UXS1: variants seen among roughly 807,000 people sequenced by gnomAD.
UXS1 encodes UDP-glucuronate decarboxylase 1, also known as UDP-glucuronic acid decarboxylase 1.
In UXS1, 33 loss-of-function variants were observed where a neutral mutation model predicts 62.6. The ratio of observed to expected loss-of-function variants is 0.53; its 90% confidence interval spans 0.40 to 0.70. The LOEUF (loss-of-function observed/expected upper bound fraction) is 0.70, where lower values mean the gene tolerates loss of function less well. Ranked by LOEUF, UXS1 falls within the 30% of genes least tolerant of loss-of-function variation. The pLI, the probability that UXS1 is intolerant of heterozygous loss-of-function variation, is 0.00. For synonymous variants in UXS1, 213 were observed against 206.8 expected (o/e 1.03, Z -0.26); for missense variants, 434 against 556.3 (o/e 0.78, Z 2.21).
intron 12 of UXS1, among the ~76,000 whole-genome samples, chr2:106,099,255 G>A (rs1677386617): frequency 6.6e-6 from 1 of 152,224 alleles, no homozygotes; most frequent in Non-Finnish European, 1.5e-5. Context: ...TCCCCGGCAA[G>A]CCAGAGGACA....
chr2:106,127,703 G>T (rs1312279122), intron 7 of UXS1, among the ~76,000 whole-genome samples: 1 of 152,212 alleles, frequency 6.6e-6, no homozygotes, highest in Non-Finnish European at 1.5e-5. Flanking sequence ...TCAAGTGCAA[G>T]ATGGCTAATG....
At position 106,192,685 on chromosome 2, in the gene UXS1, C is replaced by A. The variant is rs535329112; in HGVS notation, c.94+1463G>T. ...CTGTTCGAAGACCTGGGTTCTAGCT[C>A]CTGCTCCCAGGCCTTTCTGGGTTCA... On this transcript the variant is annotated intron_variant, in intron 1 of 14. Transcript: ENST00000283148. Among the ~76,000 whole-genome samples the A allele has an allele frequency of 3.3e-5, 5 of 152,292 alleles. No homozygotes were observed. In the South Asian group the frequency reaches 1.0e-3, roughly 32 times the overall value.
intron 1 of UXS1, among the ~76,000 whole-genome samples, chr2:106,169,779 G>A (rs564822336): frequency 7.2e-5 from 11 of 152,242 alleles, no homozygotes; most frequent in African/African-American, 2.6e-4. Flanking sequence ...ACCCATCCCA[G>A]ACACCTTCTG....
At chr2:106,191,414 A>G (rs1684928946) in intron 1 of UXS1, among the ~76,000 whole-genome samples, 1 of 152,254 alleles carries the variant, frequency 6.6e-6, no homozygotes, top group South Asian at 2.1e-4. Flanking sequence ...TTGAGGGACT[A>G]CATTTTCAGT....
At position 106,194,273 on chromosome 2, in the gene UXS1, C is replaced by T. The variant is rs771378958; in HGVS notation, c.-32G>A. On this transcript the variant is annotated 5_prime_UTR_variant, in exon 1 of 15. Coordinates refer to ENST00000283148, the MANE Select transcript of UXS1 (RefSeq NM_001253875.2). Reference sequence around the variant, plus strand: ...GAGCCGCGCGGGTCCAGGGCCCTACCGCGCGGGGGCCCGCCTGCTGCACAA... The same window carrying T: ...GAGCCGCGCGGGTCCAGGGCCCTACTGCGCGGGGGCCCGCCTGCTGCACAA... The T allele has an allele frequency of 2.4e-6, 3 of 1,234,236 alleles. No individual in the cohort carries two copies. The South Asian group carries it at 6.3e-5, about 26-fold the overall frequency. The allele number at this position is 1,234,236 out of a possible 1,614,324, so 76.5% of individuals were successfully genotyped here.
intron 11 of UXS1, 59 bp downstream of exon 11, chr2:106,104,735 T>A: frequency 1.2e-6 from 2 of 1,602,766 alleles, no homozygotes; most frequent in African/African-American, 2.7e-5. Flanking sequence ...GTCTGTCAAG[T>A]TGGCATGACC....
Position 106,094,064 on chromosome 2 carries a change from G to A in UXS1, c.1240C>T (p.Pro414Ser). ...ANNQYIPKPK[P>S]ARIKKGRTRH... ...GTCCGTCCTTTCTTTATTCTGGCAG[G>A]CTTTGGTTTGGGGATGTACTGATTA... Residue 414 changes from proline to serine, a missense_variant, in exon 15 of 15, where the codon CCT becomes TCT. By Grantham distance (74) the Pro-to-Ser change is moderately conservative. This residue lies in a region of UXS1 where 209 missense variants were observed against 233.3 expected (regional missense o/e 0.90). Coordinates refer to ENST00000283148, the MANE Select transcript of UXS1 (RefSeq NM_001253875.2). 6.2e-7 allele frequency: 1 copy of A among 1,613,156 alleles called. No homozygotes were observed. Among genetic ancestry groups the A allele is most frequent in the Non-Finnish European group, 8.5e-7 (1 of 1,179,718 alleles).
In UXS1 at chr2:106,093,977, C is replaced by G. The variant is rs767881403; in HGVS notation, c.*49G>C. 1 of 1,494,590 alleles carries G rather than the reference C, an allele frequency of 6.7e-7. No individual in the cohort carries two copies. Among genetic ancestry groups the G allele is most frequent in the Admixed American group, 2.6e-5 (1 of 37,744 alleles). The allele number at this position is 1,494,590 out of a possible 1,614,324, so 92.6% of individuals were successfully genotyped here. ...CGACAACAAAAAAAAGCCAAAAATA[C>G]ATCCCATCAAGTGTACAATGGTAGT... On this transcript the variant is annotated 3_prime_UTR_variant, in exon 15 of 15. Transcript: ENST00000283148.
intron 1 of UXS1, among the ~76,000 whole-genome samples, chr2:106,190,267 A>G (rs528015019): frequency 6.6e-6 from 1 of 152,316 alleles, no homozygotes; most frequent in South Asian, 2.1e-4. Flanking sequence ...ACACTGCATG[A>G]TGAGCTCCGT....
rs1247521995 is a variant in UXS1, at chr2:106,141,618, TG to T, written c.472+3571del. ...GACCACAGGTGCATGCCACCATGCC[TG>T]GGTAATTTTTGTAGAGACAGGGTTT... On this transcript the variant is annotated intron_variant, in intron 6 of 14. Coordinates refer to ENST00000283148, the MANE Select transcript of UXS1 (RefSeq NM_001253875.2). Among the ~76,000 whole-genome samples, 9 of 151,894 alleles carry T rather than the reference TG, an allele frequency of 5.9e-5. No individual in the cohort carries two copies. In the South Asian group the frequency reaches 1.0e-3, roughly 18 times the overall value.
intron 11 of UXS1, among the ~76,000 whole-genome samples, chr2:106,104,552 C>A (rs144912587): frequency 2.0e-5 from 3 of 152,130 alleles, no homozygotes; most frequent in Non-Finnish European, 2.9e-5. Context: ...ACCCACACAC[C>A]GCTAGGTGGC....
intron 5 of UXS1, among the ~76,000 whole-genome samples, chr2:106,148,995 A>C (rs1340280410): frequency 6.6e-6 from 1 of 152,256 alleles, no homozygotes; most frequent in East Asian, 1.9e-4. Flanking sequence ...CAAGGTCAGC[A>C]GTCAAACTCA....
chr2:106,104,151 C>A (rs946894648), intron 11 of UXS1, among the ~76,000 whole-genome samples: 1 of 152,146 alleles, frequency 6.6e-6, no homozygotes, highest in Non-Finnish European at 1.5e-5. Context: ...ACAGAATTTA[C>A]AATAGCCACA....
chr2:106,122,135 T>G (rs758979513), intron 9 of UXS1, among the ~76,000 whole-genome samples: 80 of 152,216 alleles, frequency 5.3e-4, no homozygotes, highest in Admixed American at 9.2e-4. Flanking sequence ...AAACAGACAC[T>G]GCATCTACCA....
chr2:106,110,000 C>G (rs1678448361), intron 10 of UXS1, among the ~76,000 whole-genome samples: 1 of 152,226 alleles, frequency 6.6e-6, no homozygotes, highest in Non-Finnish European at 1.5e-5. Flanking sequence ...CAGGCTGGCT[C>G]AGGCAGGCCT....
At chr2:106,141,874 T>TTC (rs1681129422) in intron 6 of UXS1, among the ~76,000 whole-genome samples, 1 of 151,418 alleles carries the variant, frequency 6.6e-6, no homozygotes, top group Non-Finnish European at 1.5e-5. Context: ...TGTTTTTTTT[T>TTC]TGGTTTTTTT....
At chr2:106,143,782 C>G (rs1335686787) in intron 6 of UXS1, among the ~76,000 whole-genome samples, 1 of 152,200 alleles carries the variant, frequency 6.6e-6, no homozygotes. Flanking sequence ...AACACTCTCC[C>G]GCACATGGCT....
intron 1 of UXS1, among the ~76,000 whole-genome samples, chr2:106,180,481 C>T (rs192475781): frequency 2.6e-5 from 4 of 152,292 alleles, no homozygotes; most frequent in Non-Finnish European, 4.4e-5. Flanking sequence ...GAAAGCTCTG[C>T]AATAAGTATT....
At chr2:106,184,766 G>T (rs1438839281) in intron 1 of UXS1, among the ~76,000 whole-genome samples, 1 of 152,074 alleles carries the variant, frequency 6.6e-6, no homozygotes, top group Non-Finnish European at 1.5e-5. Flanking sequence ...AATTCCAGGG[G>T]ACACAAACAT....
Sources: gnomAD v4.1 joint callset for allele counts (sites outside exome capture counted in the v4.1 genomes callset) on GRCh38, gnomAD v4.1.1 for gene constraint, gnomAD v4.1.1 regional missense constraint, MANE v1.5 for transcripts, NCBI Gene and HGNC (gene_info 2026-07-23, HGNC 2026-07-21) for gene names.